Variants in RASA2 observed in about 807,000 individuals in gnomAD.
The protein encoded by RASA2 is RAS p21 protein activator 2.
RASA2 carries 155 observed loss-of-function variants against 118.2 expected under a neutral mutation model. That is an observed-to-expected ratio of 1.31 (90% CI 1.15 to 1.50). The LOEUF (loss-of-function observed/expected upper bound fraction) is 1.50, where lower values mean the gene tolerates loss of function less well. RASA2 is among the 40% of genes most tolerant of loss of function. RASA2 has a pLI of 0.00. For missense variants in RASA2, 1,016 were observed against 1,009.6 expected, an observed-to-expected ratio of 1.01 and a Z score of -0.09; for synonymous variants, 353 against 349.1, an observed-to-expected ratio of 1.01 and a Z score of -0.12.
intron 4 of RASA2, among the ~76,000 whole-genome samples, chr3:141,533,477 G>A (rs1450777977): frequency 6.6e-6 from 1 of 152,168 alleles, no homozygotes; most frequent in Non-Finnish European, 1.5e-5. Context: ...TCCCTTAGTT[G>A]TGAAGTTCTA....
intron 5 of RASA2, among the ~76,000 whole-genome samples, chr3:141,550,540 G>A (rs1022408325): frequency 5.9e-5 from 9 of 152,164 alleles, no homozygotes; most frequent in African/African-American, 1.9e-4. Flanking sequence ...ATTCTGCTGT[G>A]GTTCTACAAA....
Position 141,572,654 on chromosome 3 carries a change from T to A in RASA2, c.1215T>A (p.Cys405Ter). 6.2e-7 allele frequency: 1 copy of A among 1,613,726 alleles called. No homozygotes were observed. Among genetic ancestry groups the A allele is most frequent in the Non-Finnish European group, 8.5e-7 (1 of 1,179,806 alleles). ...GAGGAAATTCCCTGGCTACCCGATG[T>A]CTGGATGAGATGATGAAAATAGTGG... The part of the protein sequence containing the change: ...IFRGNSLATR[C>*]LDEMMKIVGG... Residue 405 changes from cysteine to a stop codon, truncating the protein, a stop_gained, in exon 12 of 24, where the codon TGT (cysteine) becomes TGA (stop). Coordinates refer to ENST00000286364, the MANE Select transcript of RASA2 (RefSeq NM_006506.5). LOFTEE classifies it high-confidence loss of function.
In RASA2 at chr3:141,526,948, T is replaced by C. The variant is rs370480193; in HGVS notation, c.356-2760T>C. 8.2e-4 allele frequency among the ~76,000 whole-genome samples: 125 copies of C among 152,302 alleles called. 3 individuals are homozygous for C. Among genetic ancestry groups the C allele is most frequent in the African/African-American group, 2.9e-3 (119 of 41,560 alleles). ...CCTGTGTGACTAAGAGAGGATTCTC[T>C]TTTGGGAAGGCACCTGTGACAGATG... On this transcript the variant is annotated intron_variant, in intron 3 of 23. Transcript: ENST00000286364.
At chr3:141,511,860 A>C (rs1303176126) in intron 1 of RASA2, among the ~76,000 whole-genome samples, 2 of 152,112 alleles carry the variant, frequency 1.3e-5, no homozygotes, top group Non-Finnish European at 1.5e-5. Flanking sequence ...TTGTGGAGTA[A>C]AGTCCTTGAG....
chr3:141,598,723 A>C (rs80265204), intron 19 of RASA2, among the ~76,000 whole-genome samples: 3,514 of 152,258 alleles, frequency 0.023, 61 homozygotes, highest in Middle Eastern at 0.044. Context: ...TAGAAAACAA[A>C]ATTTTAAAAA....
chr3:141,504,087 A>G (rs950855032), intron 1 of RASA2, among the ~76,000 whole-genome samples: 1 of 152,226 alleles, frequency 6.6e-6, no homozygotes, highest in African/African-American at 2.4e-5. Flanking sequence ...TATGCTAAGG[A>G]TGGTGCTAAG....
rs547822389 is a variant in RASA2 at position 141,557,072 on chromosome 3, A to G, written c.684+1160A>G. Reference sequence around the variant, plus strand: ...GCACTCACACTCCCCATTAGCCCACATACCTTAAACCTCAGCTGGATGGAA... The same window carrying G: ...GCACTCACACTCCCCATTAGCCCACGTACCTTAAACCTCAGCTGGATGGAA... On this transcript the variant is annotated intron_variant, in intron 7 of 23. Coordinates refer to ENST00000286364, the MANE Select transcript of RASA2 (RefSeq NM_006506.5). Among the ~76,000 whole-genome samples, 5 of 152,302 alleles carry G rather than the reference A, an allele frequency of 3.3e-5. No homozygotes were observed. The East Asian group carries it at 5.8e-4, about 18-fold the overall frequency.
chr3:141,534,888 T>A (rs2082306795), intron 4 of RASA2, among the ~76,000 whole-genome samples: 1 of 152,156 alleles, frequency 6.6e-6, no homozygotes, highest in Non-Finnish European at 1.5e-5. Flanking sequence ...AAATTTGTAT[T>A]TTGCTTTTTC....
chr3:141,576,259 G>A (rs1228696692), intron 14 of RASA2, among the ~76,000 whole-genome samples: 4 of 152,156 alleles, frequency 2.6e-5, no homozygotes, highest in African/African-American at 7.2e-5. Flanking sequence ...GGGAAGGAGG[G>A]CAGAGCAGAC....
intron 1 of RASA2, among the ~76,000 whole-genome samples, chr3:141,494,075 A>G (rs1287523349): frequency 6.6e-6 from 1 of 152,218 alleles, no homozygotes; most frequent in Non-Finnish European, 1.5e-5. Context: ...CCAGTCCCCT[A>G]TTAGTTGACA....
intron 4 of RASA2, among the ~76,000 whole-genome samples, chr3:141,539,121 C>A (rs1313874527): frequency 6.6e-6 from 1 of 152,106 alleles, no homozygotes; most frequent in East Asian, 1.9e-4. Context: ...TTTCAAAATT[C>A]TAGTTGAGTA....
At chr3:141,608,016 A>G (rs2083575288) in intron 20 of RASA2, among the ~76,000 whole-genome samples, 1 of 152,170 alleles carries the variant, frequency 6.6e-6, no homozygotes, top group Admixed American at 6.5e-5. Context: ...TTGTTAAGTT[A>G]AAAATACTTT....
Position 141,526,475 on chromosome 3 carries a change from C to T in RASA2, c.356-3233C>T, listed in dbSNP as rs1023753730. On this transcript the variant is annotated intron_variant, in intron 3 of 23. Coordinates refer to ENST00000286364, the MANE Select transcript of RASA2 (RefSeq NM_006506.5). The stretch of plus-strand genomic sequence containing the variant: ...TCTTTGTCTGTCTTCTCCTCTCCCT[C>T]TTCCCTGTTTTATTCCCTTGGGCTG... Among the ~76,000 whole-genome samples, 14 of 152,150 alleles carry T rather than the reference C, an allele frequency of 9.2e-5. No homozygotes were observed. The East Asian group carries it at 1.7e-3, about 19-fold the overall frequency.
At chr3:141,584,096 G>T (rs1334561950) in intron 17 of RASA2, among the ~76,000 whole-genome samples, 3 of 152,012 alleles carry the variant, frequency 2.0e-5, no homozygotes, top group Non-Finnish European at 4.4e-5. Context: ...ACTTTGGGAG[G>T]CCGAGGCAGG....
intron 9 of RASA2, among the ~76,000 whole-genome samples, chr3:141,569,013 A>C (rs1042005981): frequency 2.0e-5 from 3 of 152,122 alleles, no homozygotes; most frequent in African/African-American, 7.2e-5. Context: ...AGTAACTTAA[A>C]ATAATTTTGT....
At position 141,588,847 on chromosome 3, in the gene RASA2, AT is replaced by A. The variant is rs1380672762; in HGVS notation, c.1933+2107del. On this transcript the variant is annotated intron_variant, in intron 19 of 23. Transcript: ENST00000286364. ...CCCTTCCAGATAGCTTTTTATTTTT[AT>A]TTTTTTTTTTTGAGATGGATTCTCA... 9.9e-4 allele frequency among the ~76,000 whole-genome samples: 144 copies of A among 145,848 alleles called. 1 individual carries two copies. In the East Asian group the frequency reaches 0.012, roughly 13 times the overall value.
chr3:141,498,937 G>A (rs2081740289), intron 1 of RASA2, among the ~76,000 whole-genome samples: 1 of 152,168 alleles, frequency 6.6e-6, no homozygotes, highest in African/African-American at 2.4e-5. Flanking sequence ...GGTCTGTAGG[G>A]AGCTTGTAGA....
At position 141,609,959 on chromosome 3, in the gene RASA2, A is replaced by G; in HGVS notation, c.2412A>G (p.Val804=). The G allele has an allele frequency of 6.2e-7, 1 of 1,607,432 alleles. No homozygotes were observed. The highest frequency in any genetic ancestry group is 8.5e-7 in the Non-Finnish European group (1 of 1,176,948). The change falls in exon 23 of 24, where the codon GTA becomes GTG. Residue 804 remains valine, a synonymous_variant. Coordinates refer to ENST00000286364, the MANE Select transcript of RASA2 (RefSeq NM_006506.5). ...CTAACTTTGTAATCGAGGATTCTGT[A>G]ACAACCTTTAAGACAATTCAGCAAA... The part of the protein sequence containing the change: ...DYSNFVIEDS[V]TTFKTIQQIK...
chr3:141,531,428 A>G (rs575585060), intron 4 of RASA2, among the ~76,000 whole-genome samples: 44 of 151,574 alleles, frequency 2.9e-4, no homozygotes, highest in Admixed American at 9.9e-4. Flanking sequence ...ATGTGTGTGT[A>G]TATATATATG....
Sources: gnomAD v4.1 joint callset for allele counts (sites outside exome capture counted in the v4.1 genomes callset) on GRCh38, gnomAD v4.1.1 for gene constraint, MANE v1.5 for transcripts, NCBI Gene and HGNC (gene_info 2026-07-23, HGNC 2026-07-21) for gene names.